The following TMEM52B variants were observed in gnomAD, a reference collection of about 807,000 sequenced individuals.
The protein encoded by TMEM52B is chromosome 12 open reading frame 59.
In TMEM52B, 11 loss-of-function variants were observed where a neutral mutation model predicts 16.1. The observed-to-expected ratio is 0.68, with a 90% CI of 0.43 to 1.13. The LOEUF (loss-of-function observed/expected upper bound fraction) is 1.13, where lower values mean the gene tolerates loss of function less well. TMEM52B is among the 50% of genes most tolerant of loss of function. The probability of loss-of-function intolerance (pLI) is 0.00; values close to 1 mark genes in which losing one functional copy is unlikely to be tolerated. For missense variants in TMEM52B, 243 were observed against 230.4 expected, an observed-to-expected ratio of 1.05 and a Z score of -0.35; for synonymous variants, 101 against 93.8, an observed-to-expected ratio of 1.08 and a Z score of -0.45.
intron 1 of TMEM52B, among the ~76,000 whole-genome samples, chr12:10,172,932 TA>T (rs1279439962): frequency 6.6e-6 from 1 of 152,188 alleles, no homozygotes. Flanking sequence ...TAAGCTTTTT[TA>T]CACTAGGTTT....
upstream of TMEM52B, among the ~76,000 whole-genome samples, chr12:10,176,694 AAC>A (rs759091975): frequency 2.2e-4 from 34 of 152,232 alleles, no homozygotes; most frequent in Admixed American, 1.3e-4. Context: ...AATCTTAGCA[AAC>A]ACAAAAAATA....
At chr12:10,174,100 A>G (rs769430991), upstream of TMEM52B, among the ~76,000 whole-genome samples, 5 of 151,984 alleles carry the variant, frequency 3.3e-5, no homozygotes, top group Non-Finnish European at 5.9e-5. Context: ...CACCCTTGTT[A>G]CCCAGGGTGG....
intron 3 of TMEM52B, among the ~76,000 whole-genome samples, chr12:10,185,875 C>T (rs1488121195): frequency 6.6e-6 from 1 of 152,128 alleles, no homozygotes; most frequent in African/African-American, 2.4e-5. Context: ...AACTCCGTCT[C>T]TACTAAAAAT....
In TMEM52B at chr12:10,190,273, T is replaced by C. The variant is rs1050662073; in HGVS notation, c.*133T>C. ...CATCATTCTATGGGAAAGATGGTTC[T>C]TACTCTTCGTTCACAGGCCTTTATA... On this transcript the variant is annotated 3_prime_UTR_variant, in exon 5 of 5. Coordinates refer to ENST00000543484, the MANE Select transcript of TMEM52B (RefSeq NM_001384896.1). 29 of 1,190,916 alleles carry C rather than the reference T, an allele frequency of 2.4e-5. 1 individual carries two copies. The African/African-American group carries it at 3.4e-4, about 14-fold the overall frequency. The allele number at this position is 1,190,916 out of a possible 1,614,324, so 73.8% of individuals were successfully genotyped here.
At position 10,190,746 on chromosome 12, in the gene TMEM52B, A is replaced by G. The variant is rs938256320; in HGVS notation, c.*606A>G. On this transcript the variant is annotated 3_prime_UTR_variant, in exon 5 of 5. Transcript: ENST00000543484. ...TCAGTCTTTCTTTCTCTCTGGTCCT[A>G]CCCCTCAGCAGTATGAAAAACTCCA... 2 of 156,546 alleles carry G rather than the reference A, an allele frequency of 1.3e-5. No homozygotes were observed. Among genetic ancestry groups the G allele is most frequent in the Non-Finnish European group, 2.8e-5 (2 of 70,444 alleles). 9.7% of individuals were successfully genotyped at this position (156,546 alleles called of 1,614,324 possible).
At chr12:10,182,722 A>C in intron 2 of TMEM52B, 129 bp downstream of exon 2, 706 of 943,666 alleles carry the variant, frequency 7.5e-4, no homozygotes, top group Non-Finnish European at 9.2e-4. Context: ...AATAGATCTC[A>C]TAGATGACTT....
upstream of TMEM52B, chr12:10,178,867 C>T (rs1948791177): frequency 6.6e-6 from 1 of 152,108 alleles, no homozygotes; most frequent in Admixed American, 6.5e-5. Flanking sequence ...CTGTTTTCTC[C>T]AAAGATGAGA....
At chr12:10,177,767 A>AAATAATAATAAT (rs199747831), upstream of TMEM52B, among the ~76,000 whole-genome samples, 2 of 118,500 alleles carry the variant, frequency 1.7e-5, no homozygotes. Flanking sequence ...ACTCTGTCTC[A>AAATAATAATAAT]AATAATAATA....
At chr12:10,183,364 G>A (rs964563485) in intron 2 of TMEM52B, among the ~76,000 whole-genome samples, 1 of 151,974 alleles carries the variant, frequency 6.6e-6, no homozygotes, top group Non-Finnish European at 1.5e-5. Flanking sequence ...TTCCACCATA[G>A]GAAGAGTCCT....
At chr12:10,185,590 C>A (rs367931481) in intron 3 of TMEM52B, among the ~76,000 whole-genome samples, 14 of 152,102 alleles carry the variant, frequency 9.2e-5, no homozygotes, top group African/African-American at 3.4e-4. Flanking sequence ...AATATCTCAA[C>A]GAAGATTACT....
exon 1 of TMEM52B, chr12:10,170,832 A>G (rs1948709107): frequency 6.6e-6 from 1 of 152,156 alleles, no homozygotes; most frequent in South Asian, 2.1e-4. Context: ...AAAGAAAATC[A>G]CAGGACCCTG....
chr12:10,176,762 A>G (rs1363049280), upstream of TMEM52B, among the ~76,000 whole-genome samples: 1 of 152,212 alleles, frequency 6.6e-6, no homozygotes, highest in Non-Finnish European at 1.5e-5. Context: ...GTATAAGGCT[A>G]TCAAGTAAAT....
intron 3 of TMEM52B, 141 bp downstream of exon 3, chr12:10,185,509 C>A: frequency 2.9e-6 from 2 of 685,446 alleles, no homozygotes; most frequent in Non-Finnish European, 5.3e-6. Context: ...GTCAGGATTT[C>A]CTTTTTCAAT....
chr12:10,190,112 C>T lies in TMEM52B; in HGVS notation c.524C>T (p.Ser175Leu), dbSNP rs748030036. ...CAGCTGCCTCCAACAGAGAAGGAGT[C>T]GACTCGAATAGTTGACTCTTGGAAC... ...EKQLPPTEKE[S>L]TRIVDSWN is the part of the protein sequence containing the mutation. Residue 175 changes from serine (S) to leucine (L), a missense_variant, in exon 5 of 5, where the codon TCG becomes TTG. Physicochemically the swap from Ser to Leu is moderately radical, Grantham distance 145. Coordinates refer to ENST00000543484, the MANE Select transcript of TMEM52B (RefSeq NM_001384896.1). 8.7e-6 allele frequency: 14 copies of T among 1,614,040 alleles called. No individual in the cohort carries two copies. Among genetic ancestry groups the T allele is most frequent in the East Asian group, 2.2e-5 (1 of 44,876 alleles).
chr12:10,179,574 G>C lies in TMEM52B; in HGVS notation c.-1G>C. On this transcript the variant is annotated 5_prime_UTR_variant, in exon 1 of 5. Transcript: ENST00000543484. Reference sequence around the variant, plus strand: ...TTCTGAAGAAGCAGGAATTCAGCCCGATGGGAGTCCGAGTTCATGTCGTGG... The same window carrying C: ...TTCTGAAGAAGCAGGAATTCAGCCCCATGGGAGTCCGAGTTCATGTCGTGG... 1 of 1,614,182 alleles carries C rather than the reference G, an allele frequency of 6.2e-7. No homozygotes were observed. Among genetic ancestry groups the C allele is most frequent in the Non-Finnish European group, 8.5e-7 (1 of 1,180,020 alleles).
At chr12:10,173,627 C>T (rs1414555323) in intron 1 of TMEM52B, among the ~76,000 whole-genome samples, 1 of 151,814 alleles carries the variant, frequency 6.6e-6, no homozygotes, top group East Asian at 1.9e-4. Context: ...ACTAAAAATA[C>T]AAAAGTTAGC....
At chr12:10,174,491 G>A (rs983301944), upstream of TMEM52B, among the ~76,000 whole-genome samples, 21 of 152,068 alleles carry the variant, frequency 1.4e-4, no homozygotes, top group African/African-American at 4.1e-4. Flanking sequence ...AAAGTTGAAG[G>A]CCTAAAGAAC....
At position 10,179,290 on chromosome 12, in the gene TMEM52B, T is replaced by C; in HGVS notation, c.-285T>C. ...TTCAAGATGTAGAAAGAATTAATAG[T>C]GTAACGGAAAGAAAGAAGGCAAAAG... On this transcript the variant is annotated 5_prime_UTR_variant, in exon 1 of 5. Coordinates refer to ENST00000543484, the MANE Select transcript of TMEM52B (RefSeq NM_001384896.1). 2.3e-6 allele frequency: 1 copy of C among 426,206 alleles called. No individual in the cohort carries two copies. 26.4% of individuals were successfully genotyped at this position (426,206 alleles called of 1,614,324 possible).
chr12:10,177,816 T>G (rs973555766), upstream of TMEM52B, among the ~76,000 whole-genome samples: 3 of 26,310 alleles, frequency 1.1e-4, no homozygotes, highest in Admixed American at 5.2e-4. Flanking sequence ...TAATAATAAT[T>G]TTTTTATTAA....
Sources: gnomAD v4.1 joint callset for allele counts (sites outside exome capture counted in the v4.1 genomes callset) on GRCh38, gnomAD v4.1.1 for gene constraint, MANE v1.5 for transcripts, NCBI Gene and HGNC (gene_info 2026-07-23, HGNC 2026-07-21) for gene names.